The following CCDC32 variants were observed in gnomAD, a reference collection of about 807,000 sequenced individuals.
CCDC32 encodes the protein coiled-coil domain-containing protein 32.
Under a neutral mutation model 20.1 loss-of-function variants are expected in CCDC32, and 9 were observed. The observed-to-expected ratio is 0.45, with a 90% CI of 0.27 to 0.78. The LOEUF (loss-of-function observed/expected upper bound fraction) is 0.78. Ranked by LOEUF, CCDC32 falls within the 30% of genes least tolerant of loss-of-function variation. CCDC32 has a pLI of 0.16. For missense variants in CCDC32, 204 were observed against 215.5 expected (o/e 0.95, Z 0.33); for synonymous variants, 63 against 79.0 (o/e 0.80, Z 1.07).
Position 40,564,122 on chromosome 15 carries a change from T to A in CCDC32, c.-13+854A>T, listed in dbSNP as rs188217228. Among the ~76,000 whole-genome samples the A allele has an allele frequency of 3.8e-4, 58 of 152,246 alleles. 1 individual carries two copies. Among genetic ancestry groups the A allele is most frequent in the African/African-American group, 1.4e-3 (57 of 41,554 alleles). ...GGCGTGAGCCACCGCGCCCGGCCCC[T>A]AAATTCTGTTTTCAACAGAACACAG... On this transcript the variant is annotated intron_variant, in intron 1 of 3. Transcript: ENST00000416810.
At chr15:40,544,197 T>C (rs956721548) in intron 3 of CCDC32, among the ~76,000 whole-genome samples, 1 of 152,088 alleles carries the variant, frequency 6.6e-6, no homozygotes, top group African/African-American at 2.4e-5. Context: ...GCCAAGCCAA[T>C]CTGAGTCCCT....
At chr15:40,547,473 T>C (rs1184866051) in intron 3 of CCDC32, among the ~76,000 whole-genome samples, 3 of 152,136 alleles carry the variant, frequency 2.0e-5, no homozygotes, top group Non-Finnish European at 4.4e-5. Flanking sequence ...TTATATGTGG[T>C]TCATCTGGGA....
downstream of CCDC32, among the ~76,000 whole-genome samples, chr15:40,549,933 A>G (rs539124410): frequency 3.7e-4 from 57 of 152,302 alleles, no homozygotes; most frequent in South Asian, 9.3e-3. Context: ...TCTTCCAGCA[A>G]TGGTCCTGGT....
chr15:40,526,247 G>GA (rs1248912443), downstream of CCDC32, among the ~76,000 whole-genome samples: 2 of 152,108 alleles, frequency 1.3e-5, no homozygotes, highest in Non-Finnish European at 2.9e-5. Flanking sequence ...GTGTGTGTTG[G>GA]GGGGTCATTT....
At chr15:40,550,287 G>T (rs760913823), downstream of CCDC32, among the ~76,000 whole-genome samples, 1 of 152,210 alleles carries the variant, frequency 6.6e-6, no homozygotes, top group Non-Finnish European at 1.5e-5. Context: ...CACTAAGGAG[G>T]AAGAAGGAAG....
chr15:40,557,066 A>T, intron 3 of CCDC32, 150 bp downstream of exon 3: 1 of 791,998 alleles, frequency 1.3e-6, no homozygotes, highest in Non-Finnish European at 1.9e-6. Context: ...CTTTATCCTT[A>T]ACTCTATTCA....
chr15:40,563,821 T>C (rs1403614922), intron 1 of CCDC32, among the ~76,000 whole-genome samples: 1 of 112,596 alleles, frequency 8.9e-6, no homozygotes, highest in East Asian at 2.0e-4. Flanking sequence ...TTTCTTTCTT[T>C]CTTTCTTTTT....
Position 40,562,858 on chromosome 15 carries a change from T to TG in CCDC32, c.157dup (p.Gln53ProfsTer6). 10 of 1,614,224 alleles carry TG rather than the reference T, an allele frequency of 6.2e-6. No individual in the cohort carries two copies. The highest frequency in any genetic ancestry group is 8.5e-6 in the Non-Finnish European group (10 of 1,180,042). On this transcript the variant is annotated frameshift_variant, in exon 2 of 4. Transcript: ENST00000416810. LOFTEE classifies it high-confidence loss of function. ...GACAGCAAAGTCAGCCACCTCCCTC[T>TG]GGCCTTCACCTTCAGGGCAAGAATC...
intron 3 of CCDC32, chr15:40,539,503 G>A: frequency 1.4e-6 from 1 of 691,622 alleles, no homozygotes; most frequent in South Asian, 1.7e-5. Flanking sequence ...CACAGCCTCA[G>A]CCGTGCAGGA....
chr15:40,526,799 G>A (rs1369842489), downstream of CCDC32, among the ~76,000 whole-genome samples: 1 of 152,166 alleles, frequency 6.6e-6, no homozygotes, highest in East Asian at 1.9e-4. Flanking sequence ...TGTAGTCTTG[G>A]CTTCTCAGGA....
Position 40,557,240 on chromosome 15 carries a change from A to C in CCDC32, c.377T>G (p.Val126Gly). ...CCTCTCATCAGAATCAAGTCCATCC[A>C]CAAAGAACTCTGAAGCTAACTTCTC... ...LQEKLASEFF[V>G]DGLDSDESTL... is the part of the protein sequence containing the mutation. The change falls in exon 3 of 4, where the codon GTG becomes GGG. Residue 126 changes from valine to glycine, a missense_variant. Coordinates refer to ENST00000416810, the MANE Select transcript of CCDC32 (RefSeq NM_001080792.4). 1 of 1,613,636 alleles carries C rather than the reference A, an allele frequency of 6.2e-7. No homozygotes were observed. The highest frequency in any genetic ancestry group is 8.5e-7 in the Non-Finnish European group (1 of 1,179,850).
At chr15:40,527,521 C>A (rs1052221751), downstream of CCDC32, among the ~76,000 whole-genome samples, 1 of 152,214 alleles carries the variant, frequency 6.6e-6, no homozygotes, top group Admixed American at 6.5e-5. Context: ...TATTTGTACC[C>A]TCCAAAACTC....
downstream of CCDC32, among the ~76,000 whole-genome samples, chr15:40,527,293 T>A (rs1894911500): frequency 6.6e-6 from 1 of 152,112 alleles, no homozygotes; most frequent in Non-Finnish European, 1.5e-5. Context: ...GCCTCAGCCT[T>A]CCGAGTAGCT....
At position 40,539,317 on chromosome 15, in the gene CCDC32, G is replaced by GA; in HGVS notation, c.439dup (p.Ser147PhefsTer2). 6.5e-7 allele frequency: 1 copy of GA among 1,535,626 alleles called. No homozygotes were observed. The highest frequency in any genetic ancestry group is 8.7e-7 in the Non-Finnish European group (1 of 1,146,744). On this transcript the variant is annotated frameshift_variant, in exon 4 of 4. Transcript: ENST00000558113. LOFTEE classifies it high-confidence loss of function. ...GTGGCTGTCCCACGCTCCATCCTCA[G>GA]AAAAGCTGCTGCTGCCAGGGGTTCT...
chr15:40,534,641 G>A (rs1040878227), downstream of CCDC32: 12 of 406,118 alleles, frequency 3.0e-5, no homozygotes, highest in African/African-American at 2.0e-4. Context: ...GACTTGGATT[G>A]GGACACAGCC....
downstream of CCDC32, chr15:40,534,560 T>A (rs547173088): frequency 1.5e-4 from 32 of 220,110 alleles, 1 homozygote; most frequent in African/African-American, 7.4e-4. Flanking sequence ...AACTGCCCCC[T>A]TGATTCAGTT....
intron 3 of CCDC32, among the ~76,000 whole-genome samples, chr15:40,543,693 T>G (rs1479174269): frequency 6.6e-6 from 1 of 152,192 alleles, no homozygotes; most frequent in Non-Finnish European, 1.5e-5. Flanking sequence ...AACCTCGTGA[T>G]CCACCCACCT....
At chr15:40,563,677 AACACACACACAC>A (rs59483012) in intron 1 of CCDC32, among the ~76,000 whole-genome samples, 5 of 129,704 alleles carry the variant, frequency 3.9e-5, no homozygotes, top group Non-Finnish European at 9.1e-5. Flanking sequence ...CATATATTTT[AACACACACACAC>A]ACACACACAC....
At chr15:40,561,054 C>G (rs1317431358) in intron 2 of CCDC32, among the ~76,000 whole-genome samples, 1 of 152,168 alleles carries the variant, frequency 6.6e-6, no homozygotes, top group Non-Finnish European at 1.5e-5. Context: ...ATAATGTCTT[C>G]TGCAGCAACT....
Sources: gnomAD v4.1 joint callset for allele counts (sites outside exome capture counted in the v4.1 genomes callset) on GRCh38, gnomAD v4.1.1 for gene constraint, MANE v1.5 for transcripts, NCBI Gene and HGNC (gene_info 2026-07-23, HGNC 2026-07-21) for gene names.